KCNIP4: variants seen among roughly 807,000 people sequenced by gnomAD.
The protein encoded by KCNIP4 is Kv channel-interacting protein 4.
KCNIP4 carries 12 observed loss-of-function variants against 34.0 expected under a neutral mutation model. The observed-to-expected ratio is 0.35, with a 90% CI of 0.23 to 0.57. The LOEUF (loss-of-function observed/expected upper bound fraction) is 0.57. Ranked by LOEUF, KCNIP4 falls within the 20% of genes least tolerant of loss-of-function variation. The pLI is 0.83. For missense variants in KCNIP4, 238 were observed against 311.7 expected (o/e 0.76, Z 1.78); for synonymous variants, 124 against 102.2 (o/e 1.21, Z -1.29).
At chr4:20,853,152 C>A (rs537253990) in intron 2 of KCNIP4, among the ~76,000 whole-genome samples, 2 of 152,070 alleles carry the variant, frequency 1.3e-5, no homozygotes, top group South Asian at 4.2e-4. Flanking sequence ...CATGTGGAAC[C>A]AAAAAAGAGC....
intron 1 of KCNIP4, among the ~76,000 whole-genome samples, chr4:21,083,450 A>T (rs908626100): frequency 4.6e-5 from 7 of 151,860 alleles, no homozygotes; most frequent in Non-Finnish European, 1.0e-4. Flanking sequence ...AGGTTCTTGC[A>T]TTGGATTATC....
intron 1 of KCNIP4, among the ~76,000 whole-genome samples, chr4:21,228,799 C>T (rs536265616): frequency 2.0e-5 from 3 of 152,294 alleles, no homozygotes; most frequent in Admixed American, 1.3e-4. Flanking sequence ...TTTTCTCCTT[C>T]CGCTTATCCA....
intron 6 of KCNIP4, among the ~76,000 whole-genome samples, chr4:20,733,103 GTTTA>G (rs1243293224): frequency 2.0e-5 from 3 of 152,124 alleles, no homozygotes; most frequent in African/African-American, 7.2e-5. Flanking sequence ...AGTAGACTAT[GTTTA>G]TTTAATTGCA....
intron 1 of KCNIP4, among the ~76,000 whole-genome samples, chr4:21,784,181 C>T (rs1038724380): frequency 6.6e-6 from 1 of 152,086 alleles, no homozygotes; most frequent in African/African-American, 2.4e-5. Flanking sequence ...ACAGCTAGAT[C>T]TCGTGAGAAC....
In KCNIP4 at chr4:21,648,035, A is replaced by C. The variant is rs530801364; in HGVS notation, c.61+300536T>G. ...ACTACAGACGCTCGCCACCACGCCC[A>C]GCTAATTTTTTGTATTTTTAGTGGA... On this transcript the variant is annotated intron_variant, in intron 1 of 8. Transcript: ENST00000382152. Among the ~76,000 whole-genome samples, 15 of 151,500 alleles carry C rather than the reference A, an allele frequency of 9.9e-5. No homozygotes were observed. In the East Asian group the frequency reaches 2.1e-3, roughly 22 times the overall value.
In KCNIP4 at chr4:20,975,303, T is replaced by C. The variant is rs182919367; in HGVS notation, c.62-92594A>G. Among the ~76,000 whole-genome samples the C allele has an allele frequency of 2.0e-4, 30 of 152,346 alleles. No homozygotes were observed. In the Middle Eastern group the frequency reaches 0.017, roughly 86 times the overall value. ...GCTCAATGTAGTGCAACAGTCTGAA[T>C]AGTAATGTAATTTTAAAAATTAAAA... is the stretch of plus-strand genomic sequence containing the variant. On this transcript the variant is annotated intron_variant, in intron 1 of 8. Coordinates refer to ENST00000382152, the MANE Select transcript of KCNIP4 (RefSeq NM_025221.6).
At chr4:21,043,327 T>C (rs1472427165) in intron 1 of KCNIP4, among the ~76,000 whole-genome samples, 1 of 152,154 alleles carries the variant, frequency 6.6e-6, no homozygotes, top group African/African-American at 2.4e-5. Context: ...GTATTTGTTT[T>C]TTCTGTTTGT....
intron 1 of KCNIP4, among the ~76,000 whole-genome samples, chr4:21,076,259 C>T (rs924031861): frequency 1.3e-5 from 2 of 152,016 alleles, no homozygotes; most frequent in African/African-American, 2.4e-5. Flanking sequence ...CAATTCTCCC[C>T]GTCACTTTCA....
chr4:21,146,346 A>G (rs1280200898), intron 1 of KCNIP4, among the ~76,000 whole-genome samples: 1 of 152,126 alleles, frequency 6.6e-6, no homozygotes, highest in Non-Finnish European at 1.5e-5. Context: ...TGCAGTGAGC[A>G]GAGATCACGC....
At chr4:20,897,498 T>C (rs1181712482) in intron 1 of KCNIP4, among the ~76,000 whole-genome samples, 1 of 152,106 alleles carries the variant, frequency 6.6e-6, no homozygotes, top group Non-Finnish European at 1.5e-5. Flanking sequence ...GCCTAAATTG[T>C]ACCTGCCCCT....
chr4:21,671,900 C>T (rs1258644406), intron 1 of KCNIP4, among the ~76,000 whole-genome samples: 1 of 152,120 alleles, frequency 6.6e-6, no homozygotes, highest in Non-Finnish European at 1.5e-5. Context: ...TGGGTTCAAG[C>T]AAACGCATCC....
chr4:21,396,439 C>T (rs1037406027), intron 1 of KCNIP4, among the ~76,000 whole-genome samples: 3 of 149,016 alleles, frequency 2.0e-5, no homozygotes, highest in Admixed American at 1.4e-4. Context: ...GCCTGTAGTC[C>T]CAGCTGCTCA....
chr4:21,005,449 C>G lies in KCNIP4; in HGVS notation c.62-122740G>C, dbSNP rs1738472577. Among the ~76,000 whole-genome samples, 4 of 152,208 alleles carry G rather than the reference C, an allele frequency of 2.6e-5. No homozygotes were observed. In the South Asian group the frequency reaches 8.3e-4, roughly 32 times the overall value. On this transcript the variant is annotated intron_variant, in intron 1 of 8. Coordinates refer to ENST00000382152, the MANE Select transcript of KCNIP4 (RefSeq NM_025221.6). ...TATTGAAGTTTTTTCTGAATAAATACCAAAAAGCCTAATCATAGAAAGCTT... is the reference window on the plus strand; with the variant it reads ...TATTGAAGTTTTTTCTGAATAAATAGCAAAAAGCCTAATCATAGAAAGCTT...
intron 1 of KCNIP4, among the ~76,000 whole-genome samples, chr4:21,682,241 A>G (rs564399207): frequency 6.6e-6 from 1 of 152,238 alleles, no homozygotes; most frequent in East Asian, 1.9e-4. Flanking sequence ...CCCACACACT[A>G]TTGTGAGAAC....
chr4:21,052,469 T>C (rs1384834678), intron 1 of KCNIP4, among the ~76,000 whole-genome samples: 2 of 152,164 alleles, frequency 1.3e-5, no homozygotes, highest in Admixed American at 1.3e-4. Context: ...GTTTTAGTAC[T>C]TACAGACCAT....
intron 1 of KCNIP4, among the ~76,000 whole-genome samples, chr4:21,053,618 A>C (rs2108953663): frequency 6.6e-6 from 1 of 152,334 alleles, no homozygotes; most frequent in Non-Finnish European, 1.5e-5. Context: ...AGAAAATACG[A>C]AAGAATTGAT....
At chr4:21,716,698 T>C (rs113227695) in intron 1 of KCNIP4, among the ~76,000 whole-genome samples, 9 of 152,282 alleles carry the variant, frequency 5.9e-5, no homozygotes, top group African/African-American at 2.2e-4. Flanking sequence ...CATTTTCTGC[T>C]TTCCAGACTG....
At chr4:21,620,716 C>T (rs529014619) in intron 1 of KCNIP4, among the ~76,000 whole-genome samples, 89 of 152,330 alleles carry the variant, frequency 5.8e-4, no homozygotes, top group African/African-American at 2.1e-3. Context: ...CCCAAACTGT[C>T]TTATTACACA....
intron 1 of KCNIP4, among the ~76,000 whole-genome samples, chr4:21,777,068 C>T (rs954746270): frequency 3.9e-5 from 6 of 152,104 alleles, no homozygotes; most frequent in Non-Finnish European, 5.9e-5. Flanking sequence ...CTACCGCACC[C>T]GGCCAAGATC....
Sources: gnomAD v4.1 joint callset for allele counts (sites outside exome capture counted in the v4.1 genomes callset) on GRCh38, gnomAD v4.1.1 for gene constraint, MANE v1.5 for transcripts, NCBI Gene and HGNC (gene_info 2026-07-23, HGNC 2026-07-21) for gene names.